Variants in CPB2 observed in about 807,000 individuals in gnomAD.
CPB2 encodes the protein carboxypeptidase B-like protein.
Under a neutral mutation model 57.0 loss-of-function variants are expected in CPB2, and 54 were observed. That is an observed-to-expected ratio of 0.95 (90% CI 0.76 to 1.19). The LOEUF (loss-of-function observed/expected upper bound fraction) is 1.19, where lower values mean the gene tolerates loss of function less well. CPB2 is among the 50% of genes most tolerant of loss of function. CPB2 has a pLI of 0.00. For synonymous variants in CPB2, 189 were observed against 178.1 expected (o/e 1.06, Z -0.49); for missense variants, 426 against 512.0 (o/e 0.83, Z 1.62).
chr13:46,101,615 G>A (rs557504386), intron 1 of CPB2, among the ~76,000 whole-genome samples: 9 of 152,290 alleles, frequency 5.9e-5, no homozygotes, highest in Admixed American at 3.3e-4. Context: ...TGAATGATAC[G>A]ATTATAGCAC....
chr13:46,091,468 C>T (rs956757412), intron 1 of CPB2, among the ~76,000 whole-genome samples: 1 of 152,090 alleles, frequency 6.6e-6, no homozygotes. Flanking sequence ...AATATTTTAC[C>T]ATTAGAATGC....
chr13:46,099,237 C>T (rs938177422), intron 1 of CPB2: 1 of 152,056 alleles, frequency 6.6e-6, no homozygotes, highest in Non-Finnish European at 1.5e-5. Flanking sequence ...AGAAGTGATC[C>T]AGCTGGGCAG....
At chr13:46,071,322 A>C (rs1462887885) in intron 6 of CPB2, among the ~76,000 whole-genome samples, 1 of 152,194 alleles carries the variant, frequency 6.6e-6, no homozygotes, top group Non-Finnish European at 1.5e-5. Flanking sequence ...GAGAAATGAG[A>C]GAAGACAGGA....
intron 1 of CPB2, among the ~76,000 whole-genome samples, chr13:46,104,721 A>G (rs537249223): frequency 2.0e-5 from 3 of 152,324 alleles, no homozygotes; most frequent in Admixed American, 2.0e-4. Flanking sequence ...TCCCAATAAT[A>G]AAACCAGAGC....
chr13:46,082,374 C>T, intron 4 of CPB2, 67 bp downstream of exon 4: 5 of 856,478 alleles, frequency 5.8e-6, no homozygotes, highest in South Asian at 2.0e-5. Context: ...TTGAATATTC[C>T]CCTGATTGAA....
intron 4 of CPB2, among the ~76,000 whole-genome samples, chr13:46,081,611 A>G (rs1216762756): frequency 1.3e-5 from 2 of 152,212 alleles, no homozygotes; most frequent in Admixed American, 6.5e-5. Flanking sequence ...ATTGATTCTC[A>G]TTACCTAAGT....
chr13:46,102,399 C>T (rs1227564467), intron 1 of CPB2, among the ~76,000 whole-genome samples: 2 of 151,852 alleles, frequency 1.3e-5, no homozygotes, highest in Admixed American at 6.6e-5. Context: ...GCTGCCTTTC[C>T]CTTTGGCATA....
At chr13:46,093,976 A>G (rs2146882) in intron 1 of CPB2, among the ~76,000 whole-genome samples, 111,780 of 152,060 alleles carry the variant, frequency 0.74, 41,303 homozygotes, top group East Asian at 0.81. Flanking sequence ...TTTCTGTATT[A>G]TTTACTTTTT....
At chr13:46,103,259 T>C (rs149003626) in intron 1 of CPB2, among the ~76,000 whole-genome samples, 3 of 152,354 alleles carry the variant, frequency 2.0e-5, no homozygotes, top group African/African-American at 4.8e-5. Context: ...CTGAGGATAA[T>C]TGCACTGGGC....
At chr13:46,074,724 C>A (rs1271901842) in intron 5 of CPB2, among the ~76,000 whole-genome samples, 1 of 152,098 alleles carries the variant, frequency 6.6e-6, no homozygotes, top group Non-Finnish European at 1.5e-5. Flanking sequence ...GCACTAGGGA[C>A]CAGTTTCATG....
At chr13:46,068,447 A>C (rs2139366310) in intron 6 of CPB2, among the ~76,000 whole-genome samples, 1 of 152,342 alleles carries the variant, frequency 6.6e-6, no homozygotes, top group Non-Finnish European at 1.5e-5. Flanking sequence ...GAAAAGAAAA[A>C]AGTTATTTTA....
Position 46,058,305 on chromosome 13 carries a change from T to G in CPB2, c.873A>C (p.Ala291=), listed in dbSNP as rs779579021. Residue 291 remains alanine, a synonymous_variant, in exon 9 of 11, where the codon GCA becomes GCC. Coordinates refer to ENST00000181383, the MANE Select transcript of CPB2 (RefSeq NM_001872.5). ...TATTTCTTCTCAAGAAACTAGCCAC[T>G]GCCTTCACTTCTGGTTCTGACTCAG... ...LYPESEPEVK[A]VASFLRRNIN... is the part of the protein sequence containing the mutation. 9 of 1,614,040 alleles carry G rather than the reference T, an allele frequency of 5.6e-6. No individual in the cohort carries two copies. Among genetic ancestry groups the G allele is most frequent in the East Asian group, 2.2e-5 (1 of 44,894 alleles).
In CPB2 at chr13:46,058,346, A is replaced by G. The variant is rs1593880849; in HGVS notation, c.832T>C (p.Tyr278His). 6.2e-7 allele frequency: 1 copy of G among 1,614,122 alleles called. No individual in the cohort carries two copies. The highest frequency in any genetic ancestry group is 1.1e-5 in the South Asian group (1 of 91,078). The part of the protein sequence containing the change: ...GASSSSCSET[Y>H]CGLYPESEPE... ...TCTGACTCAGGATAAAGTCCACAGT[A>G]GGTTTCCGAGCATGAGGAACTGGAT... Residue 278 changes from tyrosine to histidine, a missense_variant, in exon 9 of 11, where the codon TAC becomes CAC. Tyr to His is a moderately conservative substitution (Grantham distance 83). Coordinates refer to ENST00000181383, the MANE Select transcript of CPB2 (RefSeq NM_001872.5).
intron 8 of CPB2, among the ~76,000 whole-genome samples, chr13:46,060,654 A>G (rs909959415): frequency 1.3e-5 from 2 of 152,148 alleles, no homozygotes; most frequent in Non-Finnish European, 1.5e-5. Context: ...CTCAATTCAG[A>G]CAAGCTACAT....
At chr13:46,090,255 T>G (rs1167971831) in intron 1 of CPB2, among the ~76,000 whole-genome samples, 1 of 152,118 alleles carries the variant, frequency 6.6e-6, no homozygotes, top group East Asian at 1.9e-4. Context: ...GAAATTTTCA[T>G]TAGAATTATA....
In CPB2 at chr13:46,053,629, G is replaced by A; in HGVS notation, c.1257C>T (p.Val419=). The A allele has an allele frequency of 6.2e-7, 1 of 1,613,976 alleles. No individual in the cohort carries two copies. The highest frequency in any genetic ancestry group is 8.5e-7 in the Non-Finnish European group (1 of 1,179,902). Residue 419 remains valine, a synonymous_variant, in exon 11 of 11, where the codon GTC becomes GTT. Transcript: ENST00000181383. ...FAAVSKIAWH[V]IRNV is the part of the protein sequence containing the mutation. ...ATCAGGGGCATTAAACATTCCTAAT[G>A]ACATGCCAAGCTATTTTAGAGACAG...
chr13:46,064,510 A>T, intron 8 of CPB2, 138 bp downstream of exon 8: 1 of 675,164 alleles, frequency 1.5e-6, no homozygotes, highest in Non-Finnish European at 2.5e-6. Flanking sequence ...CATTACATTT[A>T]CCTAAGCATT....
intron 5 of CPB2, 129 bp downstream of exon 5, chr13:46,078,671 G>T: frequency 1.5e-6 from 1 of 671,130 alleles, no homozygotes; most frequent in South Asian, 1.8e-5. Flanking sequence ...AGGTATTAAA[G>T]TTGAGGAACA....
At chr13:46,069,858 C>T (rs1345621575) in intron 6 of CPB2, among the ~76,000 whole-genome samples, 1 of 152,160 alleles carries the variant, frequency 6.6e-6, no homozygotes, top group Non-Finnish European at 1.5e-5. Context: ...AGTAGAACTG[C>T]TGGGTCATAT....
Sources: gnomAD v4.1 joint callset for allele counts (sites outside exome capture counted in the v4.1 genomes callset) on GRCh38, gnomAD v4.1.1 for gene constraint, MANE v1.5 for transcripts, NCBI Gene and HGNC (gene_info 2026-07-23, HGNC 2026-07-21) for gene names.